Variants in ADARB2 observed in about 807,000 individuals in gnomAD.
ADARB2 encodes the protein adenosine deaminase RNA specific B2 (inactive).
In ADARB2, 25 loss-of-function variants were observed where a neutral mutation model predicts 62.2. That is an observed-to-expected ratio of 0.40 (90% CI 0.29 to 0.56). The LOEUF is 0.56. ADARB2 is among the 20% of genes least tolerant of loss of function. The pLI is 0.43. For missense variants in ADARB2, 1,071 were observed against 1,077.4 expected, an observed-to-expected ratio of 0.99 and a Z score of 0.08; for synonymous variants, 572 against 500.8, an observed-to-expected ratio of 1.14 and a Z score of -1.90.
At chr10:1,541,103 C>A (rs1180924981) in intron 1 of ADARB2, among the ~76,000 whole-genome samples, 1 of 89,944 alleles carries the variant, frequency 1.1e-5, no homozygotes, top group African/African-American at 4.7e-5. Flanking sequence ...TGGATCACAG[C>A]CGTCCAGACC....
chr10:1,508,613 C>T (rs970404637), intron 1 of ADARB2, among the ~76,000 whole-genome samples: 1 of 152,158 alleles, frequency 6.6e-6, no homozygotes, highest in Non-Finnish European at 1.5e-5. Flanking sequence ...AACCCGTCTC[C>T]ACAGAAAGTA....
intron 3 of ADARB2, among the ~76,000 whole-genome samples, chr10:1,316,330 C>T (rs1446462291): frequency 6.6e-6 from 1 of 152,258 alleles, no homozygotes; most frequent in East Asian, 1.9e-4. Context: ...GGCGGCTTCC[C>T]TGAGTCCAGG....
intron 1 of ADARB2, among the ~76,000 whole-genome samples, chr10:1,577,070 G>A (rs1001061304): frequency 6.6e-6 from 1 of 152,164 alleles, no homozygotes; most frequent in African/African-American, 2.4e-5. Context: ...CAGTTCTCAC[G>A]AAGGACCCTC....
At chr10:1,732,589 C>T (rs1485934964) in intron 1 of ADARB2, among the ~76,000 whole-genome samples, 4 of 152,194 alleles carry the variant, frequency 2.6e-5, no homozygotes, top group Non-Finnish European at 5.9e-5. Flanking sequence ...TGCTGGTTAA[C>T]GGTTGAATCA....
At chr10:1,421,280 G>C (rs899709204) in intron 1 of ADARB2, among the ~76,000 whole-genome samples, 5 of 151,808 alleles carry the variant, frequency 3.3e-5, no homozygotes, top group African/African-American at 1.2e-4. Context: ...TTGTGGGACA[G>C]GTGGCTGGTC....
chr10:1,537,016 T>C (rs1253827286), intron 1 of ADARB2, among the ~76,000 whole-genome samples: 1 of 151,898 alleles, frequency 6.6e-6, no homozygotes, highest in African/African-American at 2.4e-5. Context: ...ATCCTCAGAG[T>C]GAACAGACAG....
chr10:1,537,057 T>C (rs1832342390), intron 1 of ADARB2, among the ~76,000 whole-genome samples: 1 of 152,170 alleles, frequency 6.6e-6, no homozygotes, highest in African/African-American at 2.4e-5. Flanking sequence ...TTTTGCAAGC[T>C]ACCCATCTGA....
intron 5 of ADARB2, among the ~76,000 whole-genome samples, chr10:1,234,668 C>G (rs1044262142): frequency 6.9e-6 from 1 of 145,308 alleles, no homozygotes; most frequent in Non-Finnish European, 1.5e-5. Context: ...TCTGGAACTT[C>G]TGAGCTCAAG....
At chr10:1,267,727 G>C (rs1408377746) in intron 4 of ADARB2, among the ~76,000 whole-genome samples, 1 of 152,236 alleles carries the variant, frequency 6.6e-6, no homozygotes, top group African/African-American at 2.4e-5. Flanking sequence ...AACACAACTT[G>C]GAGCTGGGGG....
chr10:1,325,525 A>G (rs1208364581), intron 3 of ADARB2, among the ~76,000 whole-genome samples: 3 of 152,230 alleles, frequency 2.0e-5, no homozygotes, highest in Non-Finnish European at 2.9e-5. Flanking sequence ...GGTGAAATGT[A>G]AAGTGGAATT....
intron 1 of ADARB2, among the ~76,000 whole-genome samples, chr10:1,605,674 G>A (rs1162113447): frequency 6.6e-6 from 1 of 152,078 alleles, no homozygotes; most frequent in South Asian, 2.1e-4. Flanking sequence ...AGCTACTATT[G>A]CCTGAGGAGG....
chr10:1,263,410 T>G (rs1831163179), intron 4 of ADARB2, among the ~76,000 whole-genome samples: 1 of 152,120 alleles, frequency 6.6e-6, no homozygotes, highest in Non-Finnish European at 1.5e-5. Context: ...ACCAACAAAG[T>G]TAGTGTTATG....
chr10:1,266,067 C>T (rs1270839470), intron 4 of ADARB2, among the ~76,000 whole-genome samples: 6 of 146,164 alleles, frequency 4.1e-5, no homozygotes, highest in Admixed American at 6.7e-5. Context: ...GTCCACGCTC[C>T]CCCGGAAGAC....
At chr10:1,359,227 C>A (rs576929211) in intron 3 of ADARB2, among the ~76,000 whole-genome samples, 3 of 152,308 alleles carry the variant, frequency 2.0e-5, no homozygotes, top group African/African-American at 7.2e-5. Context: ...TGCACCTGAG[C>A]AGGCACTGCC....
intron 7 of ADARB2, among the ~76,000 whole-genome samples, chr10:1,206,284 C>T (rs10751794): frequency 0.35 from 52,835 of 152,026 alleles, 9,717 homozygotes; most frequent in East Asian, 0.54. Context: ...CGGCTACCTG[C>T]GCGGGGGCCA....
intron 3 of ADARB2, among the ~76,000 whole-genome samples, chr10:1,282,765 T>C (rs2131805964): frequency 6.6e-6 from 1 of 152,348 alleles, no homozygotes; most frequent in South Asian, 2.1e-4. Context: ...AATATGCTCA[T>C]GGGCCTGCAA....
At chr10:1,663,056 G>C (rs544048689) in intron 1 of ADARB2, among the ~76,000 whole-genome samples, 8 of 152,328 alleles carry the variant, frequency 5.3e-5, no homozygotes, top group Non-Finnish European at 7.4e-5. Context: ...ATGTTCAATT[G>C]AATTATTTGG....
intron 1 of ADARB2, among the ~76,000 whole-genome samples, chr10:1,490,092 T>C (rs1831601323): frequency 6.6e-6 from 1 of 152,010 alleles, no homozygotes; most frequent in African/African-American, 2.4e-5. Context: ...CATCAGAGAA[T>C]ACATGAAAAA....
chr10:1,698,914 C>A (rs1165542965), intron 1 of ADARB2, among the ~76,000 whole-genome samples: 1 of 152,196 alleles, frequency 6.6e-6, no homozygotes. Flanking sequence ...GCACCCACCA[C>A]CAGGCTGAGC....
Sources: gnomAD v4.1 joint callset for allele counts (sites outside exome capture counted in the v4.1 genomes callset) on GRCh38, gnomAD v4.1.1 for gene constraint, MANE v1.5 for transcripts, NCBI Gene and HGNC (gene_info 2026-07-23, HGNC 2026-07-21) for gene names.